Variants in SIPA1L2 observed in about 807,000 individuals in gnomAD.
SIPA1L2 encodes signal-induced proliferation-associated 1-like protein 2.
Under a neutral mutation model 163.9 loss-of-function variants are expected in SIPA1L2, and 56 were observed. The observed-to-expected ratio is 0.34, with a 90% confidence interval of 0.28 to 0.43. SIPA1L2 has a LOEUF of 0.43. SIPA1L2 is among the 20% of genes least tolerant of loss of function. The pLI, the probability that SIPA1L2 is intolerant of heterozygous loss-of-function variation, is 1.00. For synonymous variants in SIPA1L2, 877 were observed against 865.7 expected, an observed-to-expected ratio of 1.01 and a Z score of -0.23; for missense variants, 1,974 against 2,193.5, an observed-to-expected ratio of 0.90 and a Z score of 2.00.
chr1:232,428,263 C>T (rs975786634), intron 17 of SIPA1L2, 148 bp downstream of exon 17: 12 of 612,744 alleles, frequency 2.0e-5, no homozygotes, highest in Non-Finnish European at 2.7e-5. Flanking sequence ...AAATTGGCAA[C>T]GGTCAACTAT....
At chr1:232,417,292 T>C (rs1185088434) in intron 18 of SIPA1L2, among the ~76,000 whole-genome samples, 1 of 152,202 alleles carries the variant, frequency 6.6e-6, no homozygotes, top group Non-Finnish European at 1.5e-5. Flanking sequence ...CAATTTTCCA[T>C]GCTACCTACC....
chr1:232,567,480 G>A (rs551495860), intron 2 of SIPA1L2, among the ~76,000 whole-genome samples: 1 of 152,054 alleles, frequency 6.6e-6, no homozygotes, highest in South Asian at 2.1e-4. Flanking sequence ...TAACCTAATG[G>A]TAAGAACAGA....
chr1:232,627,845 C>G (rs1392796064), intron 1 of SIPA1L2, among the ~76,000 whole-genome samples: 2 of 152,180 alleles, frequency 1.3e-5, no homozygotes, highest in Non-Finnish European at 2.9e-5. Context: ...TTCACCCCAT[C>G]TATAGGTAGA....
chr1:232,514,271 T>C lies in SIPA1L2; in HGVS notation c.1069A>G (p.Ile357Val), dbSNP rs1373134692. 6.2e-7 allele frequency: 1 copy of C among 1,614,126 alleles called. No individual in the cohort carries two copies. The change falls in exon 3 of 23, where the codon ATA (isoleucine) becomes GTA (valine). Residue 357 changes from isoleucine (I) to valine (V), a missense_variant. Ile to Val is a conservative substitution (Grantham distance 29). Transcript: ENST00000674635. Reference protein sequence around the residue: ...TRANVGKRKNITTGASAASQT... With the variant: ...TRANVGKRKNVTTGASAASQT... ...GATGCTGCAGATGCCCCAGTGGTTA[T>C]GTTTTTCCTTTTCCCCACATTAGCC...
chr1:232,605,926 TCAGA>T (rs1432860928), intron 1 of SIPA1L2, among the ~76,000 whole-genome samples: 1 of 152,220 alleles, frequency 6.6e-6, no homozygotes, highest in African/African-American at 2.4e-5. Flanking sequence ...TTCTGATCCA[TCAGA>T]CAATGCTGTA....
chr1:232,485,315 C>A (rs955758920), intron 5 of SIPA1L2, among the ~76,000 whole-genome samples: 3 of 152,166 alleles, frequency 2.0e-5, no homozygotes, highest in Admixed American at 1.3e-4. Flanking sequence ...AACTGCATAG[C>A]GAGAAAAATG....
chr1:232,409,671 C>T (rs967308544), intron 19 of SIPA1L2, among the ~76,000 whole-genome samples: 1 of 152,200 alleles, frequency 6.6e-6, no homozygotes, highest in Non-Finnish European at 1.5e-5. Context: ...AGGGGTCCCA[C>T]TAGGCCTCAG....
At chr1:232,528,791 G>A (rs1667839786) in intron 2 of SIPA1L2, among the ~76,000 whole-genome samples, 1 of 152,118 alleles carries the variant, frequency 6.6e-6, no homozygotes, top group Non-Finnish European at 1.5e-5. Flanking sequence ...CATGATCCCA[G>A]GCATACCACC....
Position 232,514,819 on chromosome 1 carries a change from A to G in SIPA1L2, c.521T>C (p.Val174Ala). 1.9e-6 allele frequency: 3 copies of G among 1,614,118 alleles called. No individual in the cohort carries two copies. Among genetic ancestry groups the G allele is most frequent in the Non-Finnish European group, 2.5e-6 (3 of 1,180,032 alleles). The change falls in exon 3 of 23, where the codon GTC (valine) becomes GCC (alanine). Residue 174 changes from valine (V) to alanine (A), a missense_variant. Physicochemically the swap from Val to Ala is moderately conservative, Grantham distance 64. Coordinates refer to ENST00000674635, the MANE Select transcript of SIPA1L2 (RefSeq NM_020808.5). ...GGGGTTGACTGCATTTTGGTCTAAG[A>G]CATCTTCGGCATCAATGTCACTGAT... ...VTISDIDAED[V>A]LDQNAVNPNT... is the part of the protein sequence containing the mutation.
chr1:232,483,856 A>G lies in SIPA1L2; in HGVS notation c.1917T>C (p.Asp639=). ...TCAGTCGGACTCTCTGGCCCAGAAG[A>G]TCAAGGAATTCTTCAAAAGCTGGTC... ...TAGPAFEEFL[D]LLGQRVRLKG... The change falls in exon 6 of 23, where the codon GAT becomes GAC. Residue 639 remains aspartate, a synonymous_variant. Transcript: ENST00000674635. 1 of 1,614,082 alleles carries G rather than the reference A, an allele frequency of 6.2e-7. No homozygotes were observed. The highest frequency in any genetic ancestry group is 8.5e-7 in the Non-Finnish European group (1 of 1,179,968).
chr1:232,614,693 A>C (rs1211164723), intron 1 of SIPA1L2, among the ~76,000 whole-genome samples: 1 of 152,264 alleles, frequency 6.6e-6, no homozygotes, highest in African/African-American at 2.4e-5. Context: ...TCGAGCAGAC[A>C]GCAGCATTCA....
intron 1 of SIPA1L2, among the ~76,000 whole-genome samples, chr1:232,613,531 C>T (rs542102947): frequency 1.2e-4 from 19 of 152,234 alleles, no homozygotes; most frequent in Non-Finnish European, 2.4e-4. Context: ...GTATCCAACA[C>T]GGAACTGTCT....
At chr1:232,548,096 A>C (rs1658148660) in intron 2 of SIPA1L2, among the ~76,000 whole-genome samples, 1 of 152,222 alleles carries the variant, frequency 6.6e-6, no homozygotes, top group African/African-American at 2.4e-5. Flanking sequence ...TAATTACATA[A>C]TCCACTTTTT....
intron 3 of SIPA1L2, among the ~76,000 whole-genome samples, chr1:232,511,265 A>G (rs1446870705): frequency 6.6e-6 from 1 of 152,194 alleles, no homozygotes; most frequent in Non-Finnish European, 1.5e-5. Context: ...GCACACCTGA[A>G]GCCAAGACCG....
intron 7 of SIPA1L2, among the ~76,000 whole-genome samples, chr1:232,471,888 G>C (rs1664818676): frequency 6.6e-6 from 1 of 152,206 alleles, no homozygotes; most frequent in Admixed American, 6.5e-5. Context: ...GTCCAAGAGA[G>C]GGTACAGGTT....
intron 1 of SIPA1L2, among the ~76,000 whole-genome samples, chr1:232,581,139 C>T (rs189065020): frequency 1.2e-4 from 18 of 152,300 alleles, no homozygotes; most frequent in African/African-American, 4.3e-4. Flanking sequence ...AAGTTTCTGT[C>T]CTCCTCGTGT....
rs1258804816 is a variant in SIPA1L2 at position 232,488,654 on chromosome 1, C to T, written c.1806+2220G>A. 2.6e-5 allele frequency among the ~76,000 whole-genome samples: 4 copies of T among 152,134 alleles called. 1 individual carries two copies. Among genetic ancestry groups the T allele is most frequent in the South Asian group, 2.1e-4 (1 of 4,824 alleles). The stretch of plus-strand genomic sequence containing the variant: ...GAACTACTACTAGAGATACGAAATG[C>T]GTGGTTTTATCAAAGCAGAATCCCA... On this transcript the variant is annotated intron_variant, in intron 5 of 22. Transcript: ENST00000674635.
intron 8 of SIPA1L2, among the ~76,000 whole-genome samples, 156 bp downstream of exon 8, chr1:232,471,215 A>G (rs1323595701): frequency 6.6e-6 from 1 of 151,084 alleles, no homozygotes; most frequent in Non-Finnish European, 1.5e-5. Flanking sequence ...AAGGGGATAA[A>G]ATGGGAAGAA....
intron 18 of SIPA1L2, among the ~76,000 whole-genome samples, chr1:232,425,262 T>C (rs896792377): frequency 6.6e-6 from 1 of 151,900 alleles, no homozygotes. Flanking sequence ...GTCTTTTCTT[T>C]TTTTTTTTAA....
Sources: allele counts gnomAD v4.1 joint callset (sites outside exome capture counted in the v4.1 genomes callset), GRCh38; gene constraint gnomAD v4.1.1; transcripts MANE v1.5; gene names NCBI Gene and HGNC (gene_info 2026-07-23, HGNC 2026-07-21).